The following TUSC3 variants were observed in gnomAD, a reference collection of about 807,000 sequenced individuals.
TUSC3 encodes the protein dolichyl-diphosphooligosaccharide--protein glycosyltransferase subunit TUSC3.
In TUSC3, 45 loss-of-function variants were observed where a neutral mutation model predicts 44.8. The observed-to-expected ratio is 1.00, with a 90% CI of 0.79 to 1.29. TUSC3 has a LOEUF of 1.29. Among genes scored for constraint, TUSC3 ranks in the 50% most tolerant of loss-of-function variants. The probability of loss-of-function intolerance (pLI) is 0.00; values close to 1 mark genes in which losing one functional copy is unlikely to be tolerated. For missense variants in TUSC3, 519 were observed against 437.9 expected, an observed-to-expected ratio of 1.19 and a Z score of -1.65; for synonymous variants, 212 against 152.9, an observed-to-expected ratio of 1.39 and a Z score of -2.85.
At chr8:15,694,888 G>T (rs958153348) in intron 6 of TUSC3, among the ~76,000 whole-genome samples, 8 of 152,192 alleles carry the variant, frequency 5.3e-5, no homozygotes, top group African/African-American at 1.9e-4. Context: ...TGAGATTCGT[G>T]CTGGTTCACT....
chr8:15,795,431 G>A, the TUSC3 span, among the ~76,000 whole-genome samples: 4 of 152,076 alleles, frequency 2.6e-5, no homozygotes, highest in African/African-American at 9.7e-5. Context: ...TTTCTAATTG[G>A]AGGACTTCCA....
At chr8:15,454,520 G>A (rs938415397) in intron 1 of TUSC3, among the ~76,000 whole-genome samples, 15 of 152,166 alleles carry the variant, frequency 9.9e-5, no homozygotes, top group African/African-American at 1.4e-4. Flanking sequence ...TTTCTGTCAC[G>A]TATTAATGTT....
intron 6 of TUSC3, among the ~76,000 whole-genome samples, chr8:15,726,523 G>A (rs187618693): frequency 1.2e-3 from 186 of 151,972 alleles, no homozygotes; most frequent in African/African-American, 4.3e-3. Flanking sequence ...ATATTCAATG[G>A]GGCCAGGTGC....
chr8:15,467,784 T>G (rs1006094107), intron 1 of TUSC3, among the ~76,000 whole-genome samples: 8 of 152,192 alleles, frequency 5.3e-5, no homozygotes, highest in Non-Finnish European at 1.2e-4. Flanking sequence ...TCTTTCTTTT[T>G]ATTTATCTCT....
At chr8:15,634,091 T>C (rs1372093492) in intron 2 of TUSC3, among the ~76,000 whole-genome samples, 3 of 152,228 alleles carry the variant, frequency 2.0e-5, no homozygotes, top group African/African-American at 7.2e-5. Flanking sequence ...ATTCCTGGTA[T>C]AGTTCATCAT....
the TUSC3 span, among the ~76,000 whole-genome samples, chr8:15,833,614 A>C: frequency 6.6e-6 from 1 of 152,252 alleles, no homozygotes; most frequent in East Asian, 1.9e-4. Context: ...ACACAGTCTC[A>C]TTTGTAAGTG....
chr8:15,671,136 C>A (rs557129799), intron 5 of TUSC3, among the ~76,000 whole-genome samples: 1 of 151,814 alleles, frequency 6.6e-6, no homozygotes, highest in African/African-American at 2.4e-5. Flanking sequence ...GTTTTATCTG[C>A]TAAAGCTGAG....
intron 2 of TUSC3, among the ~76,000 whole-genome samples, chr8:15,498,655 C>T (rs1053994536): frequency 6.6e-6 from 1 of 152,182 alleles, no homozygotes; most frequent in Non-Finnish European, 1.5e-5. Context: ...CCTCTTCTGC[C>T]AGTTGCCTTC....
intron 6 of TUSC3, among the ~76,000 whole-genome samples, chr8:15,714,012 A>C (rs1223818622): frequency 6.6e-6 from 1 of 152,172 alleles, no homozygotes; most frequent in Admixed American, 6.6e-5. Context: ...TATTTTAGTG[A>C]AAGTGCGCCT....
intron 2 of TUSC3, among the ~76,000 whole-genome samples, chr8:15,645,374 G>C (rs917629410): frequency 7.2e-5 from 11 of 151,836 alleles, no homozygotes; most frequent in Non-Finnish European, 1.6e-4. Context: ...TTCTCTCCCT[G>C]TCCTTGCTTG....
At chr8:15,550,988 T>G (rs1802043408) in intron 1 of TUSC3, among the ~76,000 whole-genome samples, 1 of 151,772 alleles carries the variant, frequency 6.6e-6, no homozygotes, top group Non-Finnish European at 1.5e-5. Context: ...GTTAAGGACC[T>G]TGTAAAAATT....
intron 9 of TUSC3, among the ~76,000 whole-genome samples, chr8:15,749,712 T>G (rs2129218564): frequency 6.7e-6 from 1 of 148,580 alleles, no homozygotes; most frequent in African/African-American, 2.5e-5. Flanking sequence ...CAAGATTAAG[T>G]AATATCCAAG....
intron 1 of TUSC3, among the ~76,000 whole-genome samples, chr8:15,581,293 C>A (rs1322102753): frequency 6.8e-6 from 1 of 147,472 alleles, no homozygotes; most frequent in Non-Finnish European, 1.5e-5. Context: ...GTAATTTGAT[C>A]GTCTGAAGCC....
At chr8:15,777,196 C>T in the TUSC3 span, among the ~76,000 whole-genome samples, 1 of 152,056 alleles carries the variant, frequency 6.6e-6, no homozygotes, top group Non-Finnish European at 1.5e-5. Context: ...TTCCAACTTC[C>T]AATCATATCA....
intron 10 of TUSC3, among the ~76,000 whole-genome samples, chr8:15,760,634 T>C (rs1434632738): frequency 1.3e-5 from 2 of 152,190 alleles, no homozygotes; most frequent in Admixed American, 1.3e-4. Flanking sequence ...AATTCAGATA[T>C]CAGTGCCTAT....
intron 6 of TUSC3, among the ~76,000 whole-genome samples, chr8:15,702,606 A>T (rs1053725492): frequency 6.6e-6 from 1 of 151,778 alleles, no homozygotes; most frequent in Non-Finnish European, 1.5e-5. Context: ...GTGTCTCCCT[A>T]TCCTGGTTTC....
At chr8:15,512,923 T>TAATC (rs1801161289) in intron 2 of TUSC3, among the ~76,000 whole-genome samples, 2 of 43,752 alleles carry the variant, frequency 4.6e-5, no homozygotes, top group Admixed American at 6.0e-4. Flanking sequence ...TGTATCTATA[T>TAATC]ATATAATCAT....
the TUSC3 span, among the ~76,000 whole-genome samples, chr8:15,844,100 C>T: frequency 6.6e-6 from 1 of 152,078 alleles, no homozygotes; most frequent in South Asian, 2.1e-4. Flanking sequence ...GTCCTGTCCC[C>T]TTGTTTCATT....
the TUSC3 span, among the ~76,000 whole-genome samples, chr8:15,823,046 C>G: frequency 6.6e-6 from 1 of 152,094 alleles, no homozygotes; most frequent in South Asian, 2.1e-4. Context: ...AGGAAGAGGA[C>G]AAGCAGATCA....
Sources: gnomAD v4.1 joint callset for allele counts (sites outside exome capture counted in the v4.1 genomes callset) on GRCh38, gnomAD v4.1.1 for gene constraint, MANE v1.5 for transcripts, NCBI Gene and HGNC (gene_info 2026-07-23, HGNC 2026-07-21) for gene names.